Variants in ZNF532 observed in about 807,000 individuals in gnomAD.
ZNF532 encodes zinc finger protein 532.
ZNF532 carries 22 observed loss-of-function variants against 89.3 expected under a neutral mutation model. The observed-to-expected ratio is 0.25, with a 90% CI of 0.18 to 0.35. ZNF532 has a LOEUF of 0.35. Ranked by LOEUF, ZNF532 falls within the 10% of genes least tolerant of loss-of-function variation. ZNF532 has a pLI of 1.00. For missense variants in ZNF532, 1,132 were observed against 1,643.4 expected (o/e 0.69, Z 5.38); for synonymous variants, 606 against 649.6 (o/e 0.93, Z 1.02).
chr18:58,894,432 A>G (rs1302443286), intron 2 of ZNF532, among the ~76,000 whole-genome samples: 1 of 148,052 alleles, frequency 6.8e-6, no homozygotes, highest in Non-Finnish European at 1.5e-5. Flanking sequence ...GCACCACTGC[A>G]CTCCAGCCTG....
chr18:58,914,492 C>T lies in ZNF532; in HGVS notation c.-17-3779C>T, dbSNP rs555540994. Among the ~76,000 whole-genome samples the T allele has an allele frequency of 5.3e-5, 8 of 152,242 alleles. No individual in the cohort carries two copies. The South Asian group carries it at 1.2e-3, about 24-fold the overall frequency. ...GTCAGGAGCTTGAGACCAGCCTGGC[C>T]AACATGGTGAAACCCCGTCTCTACT... On this transcript the variant is annotated intron_variant, in intron 2 of 9. Coordinates refer to ENST00000591808, the MANE Select transcript of ZNF532 (RefSeq NM_001375912.1).
chr18:58,949,537 G>A (rs548891991), intron 6 of ZNF532, among the ~76,000 whole-genome samples: 82 of 152,262 alleles, frequency 5.4e-4, no homozygotes, highest in African/African-American at 1.9e-3. Flanking sequence ...TCAGCTGGGC[G>A]TGGTGGTACA....
At position 58,975,592 on chromosome 18, in the gene ZNF532, G is replaced by A. The variant is rs368323681; in HGVS notation, c.3151-3463G>A. 1.2e-3 allele frequency among the ~76,000 whole-genome samples: 177 copies of A among 152,352 alleles called. 6 individuals are homozygous for A. The South Asian group carries it at 0.035, about 30-fold the overall frequency. ...AAGCACAGCAGCAGCATGGGGTAGCGCACGCCTAGCATAGTCACTGGAGAA... is the reference window on the plus strand; with the variant it reads ...AAGCACAGCAGCAGCATGGGGTAGCACACGCCTAGCATAGTCACTGGAGAA... On this transcript the variant is annotated intron_variant, in intron 7 of 9. Coordinates refer to ENST00000591808, the MANE Select transcript of ZNF532 (RefSeq NM_001375912.1).
At chr18:58,871,412 A>G (rs1366696097) in intron 2 of ZNF532, among the ~76,000 whole-genome samples, 1 of 152,150 alleles carries the variant, frequency 6.6e-6, no homozygotes, top group Non-Finnish European at 1.5e-5. Flanking sequence ...CTCATTTGAT[A>G]CCGAAATGAT....
chr18:58,951,586 C>G (rs1031705190), intron 6 of ZNF532, among the ~76,000 whole-genome samples: 1 of 150,656 alleles, frequency 6.6e-6, no homozygotes, highest in Non-Finnish European at 1.5e-5. Context: ...TCATGTCTTG[C>G]TCCAGATTTT....
In ZNF532 at chr18:58,984,327, C is replaced by G. The variant is rs1253629901; in HGVS notation, c.3767C>G (p.Ser1256Cys). The G allele has an allele frequency of 7.4e-6, 12 of 1,611,858 alleles. No homozygotes were observed. In the South Asian group the frequency reaches 1.3e-4, roughly 18 times the overall value. The change falls in exon 10 of 10, where the codon TCC (serine) becomes TGC (cysteine). Residue 1256 changes from serine to cysteine, a missense_variant. Coordinates refer to ENST00000591808, the MANE Select transcript of ZNF532 (RefSeq NM_001375912.1). ...QENKPSHEDE[S>C]PDGAVSDRKC... ...AACAAACCCAGCCACGAGGATGAAT[C>G]CCCTGATGGCGCCGTGTCAGACAGA...
intron 2 of ZNF532, among the ~76,000 whole-genome samples, chr18:58,909,034 A>T (rs962421469): frequency 2.6e-5 from 4 of 151,968 alleles, no homozygotes; most frequent in Non-Finnish European, 2.9e-5. Flanking sequence ...GCTCACTGCA[A>T]CCTCTGCCTC....
At position 58,893,133 on chromosome 18, in the gene ZNF532, C is replaced by A. The variant is rs1364261275; in HGVS notation, c.-17-25138C>A. On this transcript the variant is annotated intron_variant, in intron 2 of 9. Transcript: ENST00000591808. ...AGCTGGGATTACAGGCGTGTGCCAC[C>A]GCACCCAGCTAATTTTTGCATTTTT... 2.0e-5 allele frequency among the ~76,000 whole-genome samples: 3 copies of A among 152,104 alleles called. No individual in the cohort carries two copies. The East Asian group carries it at 5.8e-4, about 29-fold the overall frequency.
chr18:58,927,637 G>T lies in ZNF532; in HGVS notation c.2347-6796G>T, dbSNP rs1208723739. ...ATGTTTGTTTTATATATAATGTTCAGGGTTTTGACTTGTACTTAATGGGAA... is the reference window on the plus strand; with the variant it reads ...ATGTTTGTTTTATATATAATGTTCATGGTTTTGACTTGTACTTAATGGGAA... On this transcript the variant is annotated intron_variant, in intron 3 of 9. Coordinates refer to ENST00000591808, the MANE Select transcript of ZNF532 (RefSeq NM_001375912.1). Among the ~76,000 whole-genome samples the T allele has an allele frequency of 1.3e-5, 2 of 151,962 alleles. 1 individual carries two copies. Among genetic ancestry groups the T allele is most frequent in the East Asian group, 3.9e-4 (2 of 5,186 alleles).
At chr18:58,879,950 T>C (rs563171632) in intron 2 of ZNF532, among the ~76,000 whole-genome samples, 1 of 152,330 alleles carries the variant, frequency 6.6e-6, no homozygotes, top group Admixed American at 6.5e-5. Context: ...TCCTTAACTT[T>C]TAACACTGTT....
At chr18:58,970,633 A>G (rs1193767716) in intron 7 of ZNF532, among the ~76,000 whole-genome samples, 1 of 152,258 alleles carries the variant, frequency 6.6e-6, no homozygotes, top group African/African-American at 2.4e-5. Context: ...GAGAGGCAGT[A>G]AAGATTAGTC....
intron 5 of ZNF532, among the ~76,000 whole-genome samples, chr18:58,943,062 G>A (rs985044404): frequency 6.6e-6 from 1 of 152,030 alleles, no homozygotes; most frequent in African/African-American, 2.4e-5. Flanking sequence ...CCAGTGTGTG[G>A]GCAGGCATAG....
At chr18:58,870,262 G>T (rs1444247653) in intron 2 of ZNF532, among the ~76,000 whole-genome samples, 4 of 152,168 alleles carry the variant, frequency 2.6e-5, no homozygotes, top group Admixed American at 1.3e-4. Flanking sequence ...GCACAGGAGT[G>T]CAGAGGGAAA....
intron 2 of ZNF532, among the ~76,000 whole-genome samples, chr18:58,901,510 G>C (rs1012788974): frequency 6.6e-6 from 1 of 152,190 alleles, no homozygotes; most frequent in African/African-American, 2.4e-5. Context: ...AAAATACATA[G>C]GACTTTTAGG....
Position 58,891,089 on chromosome 18 carries a change from T to C in ZNF532, c.-18+25510T>C, listed in dbSNP as rs551849597. Among the ~76,000 whole-genome samples the C allele has an allele frequency of 1.8e-4, 27 of 152,278 alleles. 1 individual carries two copies. In the South Asian group the frequency reaches 5.0e-3, roughly 28 times the overall value. On this transcript the variant is annotated intron_variant, in intron 2 of 9. Coordinates refer to ENST00000591808, the MANE Select transcript of ZNF532 (RefSeq NM_001375912.1). ...GTGCGCCACCATGCCTGGCTAATTT[T>C]TTGTAATTTTTAGTAGAGACGGGAT...
intron 5 of ZNF532, among the ~76,000 whole-genome samples, chr18:58,942,163 C>G (rs994450120): frequency 1.3e-5 from 2 of 151,776 alleles, no homozygotes; most frequent in Non-Finnish European, 2.9e-5. Context: ...GCTGGGACTA[C>G]AGGCGCCCAC....
intron 2 of ZNF532, among the ~76,000 whole-genome samples, chr18:58,898,831 G>GGCTGT (rs1014651196): frequency 6.6e-6 from 1 of 152,190 alleles, no homozygotes; most frequent in African/African-American, 2.4e-5. Context: ...CCAGGGCAGG[G>GGCTGT]GCTGTGACCT....
chr18:58,971,702 C>CT (rs1294372412), intron 7 of ZNF532, among the ~76,000 whole-genome samples: 1 of 152,074 alleles, frequency 6.6e-6, no homozygotes, highest in Non-Finnish European at 1.5e-5. Context: ...TAGAATGAAT[C>CT]TTTTTTAGGG....
chr18:58,879,775 TA>T (rs1442721933), intron 2 of ZNF532, among the ~76,000 whole-genome samples: 1 of 152,100 alleles, frequency 6.6e-6, no homozygotes, highest in African/African-American at 2.4e-5. Context: ...TTTTCAGTGG[TA>T]GGGGTGGATT....
Sources: allele counts gnomAD v4.1 joint callset (sites outside exome capture counted in the v4.1 genomes callset), GRCh38; gene constraint gnomAD v4.1.1; transcripts MANE v1.5; gene names NCBI Gene and HGNC (gene_info 2026-07-23, HGNC 2026-07-21).